Variants in PCDHGA10 observed in about 807,000 individuals in gnomAD.
PCDHGA10 encodes protocadherin gamma subfamily A, 10.
PCDHGA10 carries 42 observed loss-of-function variants against 59.5 expected under a neutral mutation model. The ratio of observed to expected loss-of-function variants is 0.71; its 90% confidence interval spans 0.55 to 0.91. The LOEUF (loss-of-function observed/expected upper bound fraction) is 0.91. Ranked by LOEUF, PCDHGA10 falls within the 40% of genes least tolerant of loss-of-function variation. The probability of loss-of-function intolerance (pLI) is 0.00; values close to 1 mark genes in which losing one functional copy is unlikely to be tolerated. For synonymous variants in PCDHGA10, 511 were observed against 517.2 expected, an observed-to-expected ratio of 0.99 and a Z score of 0.16; for missense variants, 1,111 against 1,198.2, an observed-to-expected ratio of 0.93 and a Z score of 1.07.
At position 141,415,259 on chromosome 5, in the gene PCDHGA10, T is replaced by A. The variant is rs778452630; in HGVS notation, c.2084T>A (p.Leu695Gln). Residue 695 changes from leucine (L) to glutamine (Q), a missense_variant, in exon 1 of 4, where the codon CTG (leucine) becomes CAG (glutamine). Coordinates refer to ENST00000398610, the MANE Select transcript of PCDHGA10 (RefSeq NM_018913.3). ...AACTCTGAAACCTCAGACCTCACTCTGTACCTGGTGGTAGCGGTGGCCGCG... is the reference window on the plus strand; with the variant it reads ...AACTCTGAAACCTCAGACCTCACTCAGTACCTGGTGGTAGCGGTGGCCGCG... ...PANSETSDLTLYLVVAVAAVS... is the reference protein window; with the variant it reads ...PANSETSDLTQYLVVAVAAVS... The A allele has an allele frequency of 3.1e-6, 5 of 1,614,226 alleles. No individual in the cohort carries two copies. Among genetic ancestry groups the A allele is most frequent in the Admixed American group, 1.7e-5 (1 of 60,036 alleles).
intron 1 of PCDHGA10, chr5:141,422,741 A>G (rs1319821802): frequency 6.2e-7 from 1 of 1,610,084 alleles, no homozygotes; most frequent in Non-Finnish European, 8.5e-7. Flanking sequence ...CTGTCCTCCT[A>G]TGTCTCTATT....
chr5:141,468,055 T>G (rs2099156893), intron 1 of PCDHGA10, among the ~76,000 whole-genome samples: 1 of 152,096 alleles, frequency 6.6e-6, no homozygotes, highest in Admixed American at 6.5e-5. Flanking sequence ...CCGGGCACAG[T>G]GGCTCACACC....
intron 1 of PCDHGA10, among the ~76,000 whole-genome samples, chr5:141,438,497 T>C (rs1274742357): frequency 6.7e-6 from 1 of 149,116 alleles, no homozygotes; most frequent in African/African-American, 2.5e-5. Flanking sequence ...GAAAAAAGAA[T>C]CATAGTGCAA....
chr5:141,420,933 T>C (rs1227912236), intron 1 of PCDHGA10: 1 of 375,320 alleles, frequency 2.7e-6, no homozygotes, highest in African/African-American at 2.1e-5. Context: ...GTGAGCGTAA[T>C]CATTTCTTCT....
At chr5:141,458,899 T>A (rs1398965632) in intron 1 of PCDHGA10, among the ~76,000 whole-genome samples, 2 of 152,106 alleles carry the variant, frequency 1.3e-5, no homozygotes, top group African/African-American at 2.4e-5. Context: ...GCGCAGCTAA[T>A]TTTTTCTATT....
intron 1 of PCDHGA10, chr5:141,420,292 T>C (rs761934978): frequency 2.7e-6 from 4 of 1,485,132 alleles, no homozygotes; most frequent in Middle Eastern, 1.8e-4. Context: ...TTTAAAAATG[T>C]ATTTAATCCT....
At chr5:141,419,088 T>C in intron 1 of PCDHGA10, 3 of 1,613,940 alleles carry the variant, frequency 1.9e-6, no homozygotes, top group Non-Finnish European at 2.5e-6. Context: ...GATGAGGCCC[T>C]GGATCGGGAG....
At chr5:141,503,325 G>A (rs1002520312) in intron 2 of PCDHGA10, among the ~76,000 whole-genome samples, 10 of 152,104 alleles carry the variant, frequency 6.6e-5, no homozygotes, top group East Asian at 1.9e-4. Flanking sequence ...GGAGGGGCGC[G>A]GTGGCTCACG....
intron 1 of PCDHGA10, chr5:141,418,643 C>A (rs188546091): frequency 2.9e-5 from 46 of 1,614,022 alleles, no homozygotes; most frequent in Admixed American, 6.7e-5. Context: ...CACCTCCATC[C>A]TGAGAGTGAA....
intron 1 of PCDHGA10, among the ~76,000 whole-genome samples, chr5:141,462,382 C>T (rs80320684): frequency 0.016 from 2,433 of 152,148 alleles, 70 homozygotes; most frequent in African/African-American, 0.055. Flanking sequence ...CTTTTAAATT[C>T]GTTAACATTT....
At position 141,419,228 on chromosome 5, in the gene PCDHGA10, T is replaced by G. The variant is rs761014077; in HGVS notation, c.2436+3617T>G. The G allele has an allele frequency of 2.5e-6, 4 of 1,613,874 alleles. No individual in the cohort carries two copies. The East Asian group carries it at 8.9e-5, about 36-fold the overall frequency. On this transcript the variant is annotated intron_variant, in intron 1 of 3. Coordinates refer to ENST00000398610, the MANE Select transcript of PCDHGA10 (RefSeq NM_018913.3). Reference sequence around the variant, plus strand: ...CGCGCCGGTTTTCGGACAGTCAGCCTACCTGGTCCACGTGCCAGAAAACAA... The same window carrying G: ...CGCGCCGGTTTTCGGACAGTCAGCCGACCTGGTCCACGTGCCAGAAAACAA...
At chr5:141,453,652 T>C (rs1302902554) in intron 1 of PCDHGA10, among the ~76,000 whole-genome samples, 1 of 152,252 alleles carries the variant, frequency 6.6e-6, no homozygotes, top group Non-Finnish European at 1.5e-5. Context: ...TTATGTCCTC[T>C]TCTTTCTTAC....
chr5:141,419,311 C>T (rs745852942), intron 1 of PCDHGA10: 4 of 1,613,876 alleles, frequency 2.5e-6, no homozygotes, highest in East Asian at 4.5e-5. Context: ...TCGGGCTCAA[C>T]GGCCGTGTCT....
Position 141,510,974 on chromosome 5 carries a change from G to T in PCDHGA10, c.2612G>T (p.Gly871Val). The T allele has an allele frequency of 6.2e-7, 1 of 1,614,150 alleles. No homozygotes were observed. The highest frequency in any genetic ancestry group is 1.1e-5 in the South Asian group (1 of 91,088). ...SEAADGSSTL[G>V]GGAGTMGLSA... ...GCTGCTGATGGGAGCTCCACCCTGG[G>T]AGGGGGTGCCGGCACCATGGGATTG... is the stretch of plus-strand genomic sequence containing the variant. The change falls in exon 4 of 4, where the codon GGA becomes GTA. Residue 871 changes from glycine (G) to valine (V), a missense_variant. Physicochemically the swap from Gly to Val is moderately radical, Grantham distance 109. Transcript: ENST00000398610.
At chr5:141,430,729 G>T in intron 1 of PCDHGA10, 1 of 1,499,360 alleles carries the variant, frequency 6.7e-7, no homozygotes, top group East Asian at 2.3e-5. Flanking sequence ...GTTAAGGGCA[G>T]AATTGAAAAT....
At position 141,476,827 on chromosome 5, in the gene PCDHGA10, G is replaced by A; in HGVS notation, c.2437-17980G>A. On this transcript the variant is annotated intron_variant, in intron 1 of 3. Transcript: ENST00000398610. The surrounding 1 kb of genome is among the most constrained non-coding windows in gnomAD (Gnocchi z 7.6). ...CTATTCACATCAAGGTGCTGGACGC[G>A]AATGACAATGCGCCTGTCTTCAACC... The A allele has an allele frequency of 1.2e-6, 2 of 1,613,542 alleles. No individual in the cohort carries two copies. Among genetic ancestry groups the A allele is most frequent in the Non-Finnish European group, 1.7e-6 (2 of 1,180,046 alleles).
rs893578830 is a variant in PCDHGA10, at chr5:141,413,639, G to A, written c.464G>A (p.Arg155His). The A allele has an allele frequency of 1.2e-6, 2 of 1,613,854 alleles. No homozygotes were observed. Among genetic ancestry groups the A allele is most frequent in the Non-Finnish European group, 1.7e-6 (2 of 1,179,900 alleles). The change falls in exon 1 of 4, where the codon CGT becomes CAT. Residue 155 changes from arginine (R) to histidine (H), a missense_variant. Coordinates refer to ENST00000398610, the MANE Select transcript of PCDHGA10 (RefSeq NM_018913.3). The stretch of plus-strand genomic sequence containing the variant: ...AATGAAAATGTCGCTGCGGGAATGC[G>A]TTTTCCTCTCCCGGAAGCTATTGAT... The part of the protein sequence containing the change: ...KINENVAAGM[R>H]FPLPEAIDPD...
intron 3 of PCDHGA10, 110 bp downstream of exon 3, chr5:141,505,591 G>A (rs2099846959): frequency 6.4e-7 from 1 of 1,570,162 alleles, no homozygotes; most frequent in Non-Finnish European, 8.7e-7. Context: ...AGTTTCTCCA[G>A]ATCTTTCGGC....
intron 1 of PCDHGA10, among the ~76,000 whole-genome samples, chr5:141,471,035 G>A (rs2099247157): frequency 7.1e-6 from 1 of 141,386 alleles, no homozygotes; most frequent in Admixed American, 7.1e-5. Flanking sequence ...TTATTAACAA[G>A]CCCAAGCCCT....
Sources: gnomAD v4.1 joint callset for allele counts (sites outside exome capture counted in the v4.1 genomes callset) on GRCh38, gnomAD v4.1.1 for gene constraint, Gnocchi (gnomAD v3.1) non-coding constraint, MANE v1.5 for transcripts, NCBI Gene and HGNC (gene_info 2026-07-23, HGNC 2026-07-21) for gene names.